Variants in DPP10 observed in about 807,000 individuals in gnomAD.
DPP10 encodes inactive dipeptidyl peptidase 10.
A neutral mutation model predicts 120.9 loss-of-function variants in DPP10; 33 were observed. The ratio of observed to expected loss-of-function variants is 0.27; its 90% CI spans 0.21 to 0.37. The LOEUF (loss-of-function observed/expected upper bound fraction) is 0.37, where lower values mean the gene tolerates loss of function less well. Ranked by LOEUF, DPP10 falls within the 10% of genes least tolerant of loss-of-function variation. The probability of loss-of-function intolerance (pLI) is 1.00; values close to 1 mark genes in which losing one functional copy is unlikely to be tolerated. For missense variants in DPP10, 816 were observed against 942.8 expected (o/e 0.87, Z 1.76); for synonymous variants, 337 against 326.1 (o/e 1.03, Z -0.36).
At chr2:115,296,189 G>A (rs2060876073) in intron 1 of DPP10, among the ~76,000 whole-genome samples, 2 of 152,086 alleles carry the variant, frequency 1.3e-5, no homozygotes, top group South Asian at 4.1e-4. Flanking sequence ...GGAGGTGGTG[G>A]TGGTGGTGAA....
In DPP10 at chr2:114,664,448, G is replaced by T. The variant is rs577550189; in HGVS notation, c.60+221610G>T. On this transcript the variant is annotated intron_variant, in intron 1 of 25. Coordinates refer to ENST00000410059, the MANE Select transcript of DPP10 (RefSeq NM_020868.6). The stretch of plus-strand genomic sequence containing the variant: ...GTTTGAGACCAGCCTGACCAACATG[G>T]TGAAACCCCGTCTCTACTAAAAATA... 1.7e-3 allele frequency among the ~76,000 whole-genome samples: 252 copies of T among 151,932 alleles called. 1 individual carries two copies. Among genetic ancestry groups the T allele is most frequent in the Non-Finnish European group, 3.2e-3 (218 of 67,956 alleles).
At chr2:114,504,787 C>T (rs1002643327) in intron 1 of DPP10, among the ~76,000 whole-genome samples, 1 of 152,124 alleles carries the variant, frequency 6.6e-6, no homozygotes, top group African/African-American at 2.4e-5. Context: ...GGCGTGGTGG[C>T]TCATGCCTGT....
chr2:115,390,690 T>G (rs143877077), intron 3 of DPP10, among the ~76,000 whole-genome samples: 24 of 152,302 alleles, frequency 1.6e-4, no homozygotes, highest in African/African-American at 5.8e-4. Flanking sequence ...ATAATTTGTT[T>G]AAAGGCTAAA....
chr2:115,495,756 C>T (rs529374060), intron 3 of DPP10, among the ~76,000 whole-genome samples: 3 of 152,034 alleles, frequency 2.0e-5, no homozygotes, highest in East Asian at 1.9e-4. Context: ...GTACACAGGC[C>T]AGATAGTGAT....
intron 1 of DPP10, among the ~76,000 whole-genome samples, chr2:114,634,690 A>G (rs1227710449): frequency 6.6e-6 from 1 of 151,956 alleles, no homozygotes; most frequent in East Asian, 1.9e-4. Flanking sequence ...GCAGAGCGTA[A>G]CAAAGAATAG....
intron 1 of DPP10, among the ~76,000 whole-genome samples, chr2:114,812,078 C>T (rs2106325537): frequency 6.6e-6 from 1 of 152,234 alleles, no homozygotes; most frequent in South Asian, 2.1e-4. Context: ...AAGCCTCTGT[C>T]AGGGAGAAAT....
At chr2:114,844,355 A>G (rs1400552007) in intron 1 of DPP10, among the ~76,000 whole-genome samples, 1 of 151,906 alleles carries the variant, frequency 6.6e-6, no homozygotes, top group African/African-American at 2.4e-5. Context: ...ATAAGAGCTC[A>G]GGTCTTCTGA....
At chr2:114,785,685 T>A (rs1300013316) in intron 1 of DPP10, among the ~76,000 whole-genome samples, 1 of 151,980 alleles carries the variant, frequency 6.6e-6, no homozygotes, top group African/African-American at 2.4e-5. Context: ...GCCCTGGGAG[T>A]TTAACAATGA....
At chr2:115,492,109 TGTG>T (rs2076156767) in intron 3 of DPP10, among the ~76,000 whole-genome samples, 1 of 152,100 alleles carries the variant, frequency 6.6e-6, no homozygotes, top group Non-Finnish European at 1.5e-5. Context: ...ATATGATCGA[TGTG>T]GTCAAAAACT....
chr2:115,782,017 G>A (rs1682822150), intron 16 of DPP10, among the ~76,000 whole-genome samples: 1 of 151,938 alleles, frequency 6.6e-6, no homozygotes, highest in Admixed American at 6.6e-5. Flanking sequence ...AAAGGGTTGT[G>A]AATCAGCTTT....
chr2:115,590,794 A>C (rs1328274804), intron 5 of DPP10, among the ~76,000 whole-genome samples: 1 of 152,194 alleles, frequency 6.6e-6, no homozygotes, highest in Non-Finnish European at 1.5e-5. Context: ...GCAGTGTAAA[A>C]GTGTTCCTAT....
intron 5 of DPP10, among the ~76,000 whole-genome samples, chr2:115,637,238 G>T (rs1023184021): frequency 1.3e-5 from 2 of 152,060 alleles, no homozygotes; most frequent in Admixed American, 6.5e-5. Flanking sequence ...TAAAGCCAAA[G>T]TAATTTGAAA....
At chr2:115,448,713 A>G (rs2072840836) in intron 3 of DPP10, among the ~76,000 whole-genome samples, 2 of 152,292 alleles carry the variant, frequency 1.3e-5, no homozygotes, top group South Asian at 2.1e-4. Context: ...CAATTTTCCT[A>G]TGAATTGAGA....
intron 21 of DPP10, among the ~76,000 whole-genome samples, chr2:115,831,501 G>A (rs147595627): frequency 0.013 from 1,964 of 152,234 alleles, 43 homozygotes; most frequent in African/African-American, 0.043. Flanking sequence ...GCCTCCCAAA[G>A]TGCTGGGATT....
At chr2:115,221,906 T>C (rs539113830) in intron 1 of DPP10, among the ~76,000 whole-genome samples, 61 of 152,240 alleles carry the variant, frequency 4.0e-4, no homozygotes, top group Admixed American at 1.2e-3. Context: ...AAGGATTGCC[T>C]GAACTGTTCA....
intron 1 of DPP10, among the ~76,000 whole-genome samples, chr2:114,837,277 T>G (rs777639161): frequency 2.1e-4 from 32 of 152,294 alleles, no homozygotes; most frequent in African/African-American, 6.7e-4. Flanking sequence ...AACTAATAAA[T>G]GTACATGAAA....
At chr2:115,305,464 G>A (rs556338784) in intron 1 of DPP10, among the ~76,000 whole-genome samples, 32 of 152,226 alleles carry the variant, frequency 2.1e-4, no homozygotes, top group African/African-American at 7.5e-4. Flanking sequence ...TGGGTGTAGT[G>A]GCTTATGGTT....
chr2:115,711,388 T>G (rs948442708), intron 7 of DPP10, among the ~76,000 whole-genome samples: 1 of 152,126 alleles, frequency 6.6e-6, no homozygotes, highest in African/African-American at 2.4e-5. Flanking sequence ...TGACCTGGAA[T>G]GCTACAGTGG....
chr2:114,686,059 C>T (rs1380286560), intron 1 of DPP10, among the ~76,000 whole-genome samples: 1 of 151,898 alleles, frequency 6.6e-6, no homozygotes, highest in Non-Finnish European at 1.5e-5. Flanking sequence ...TGAGCATGCT[C>T]TTCTGACCTG....
Sources: gnomAD v4.1 joint callset for allele counts (sites outside exome capture counted in the v4.1 genomes callset) on GRCh38, gnomAD v4.1.1 for gene constraint, MANE v1.5 for transcripts, NCBI Gene and HGNC (gene_info 2026-07-23, HGNC 2026-07-21) for gene names.